The following GHDC variants were observed in gnomAD, a reference collection of about 807,000 sequenced individuals.
The protein encoded by GHDC is GH3 domain-containing protein.
In GHDC, 39 loss-of-function variants were observed where a neutral mutation model predicts 51.5. The observed-to-expected ratio is 0.76, with a 90% confidence interval of 0.59 to 0.99. The LOEUF is 0.99. Ranked by LOEUF, GHDC falls within the 50% of genes least tolerant of loss-of-function variation. The pLI, the probability that GHDC is intolerant of heterozygous loss-of-function variation, is 0.00. For missense variants in GHDC, 610 were observed against 672.8 expected (o/e 0.91, Z 1.03); for synonymous variants, 282 against 305.2 (o/e 0.92, Z 0.79).
At position 42,192,561 on chromosome 17, in the gene GHDC, A is replaced by G. The variant is rs2079977853; in HGVS notation, c.569T>C (p.Leu190Pro). 6.2e-7 allele frequency: 1 copy of G among 1,613,772 alleles called. No homozygotes were observed. The highest frequency in any genetic ancestry group is 1.1e-5 in the South Asian group (1 of 91,082). ...KDPRALLLDA[L>P]RSPGLRALEA... ...CAGTGCCCTCAGCCCTGGGGACCTC[A>G]GTGCGTCCAGCAGCAGGGCCCTAGG... is the stretch of plus-strand genomic sequence containing the variant. Residue 190 changes from leucine (L) to proline (P), a missense_variant, in exon 5 of 10, where the codon CTG (leucine) becomes CCG (proline). Physicochemically the swap from Leu to Pro is moderately conservative, Grantham distance 98. Around this residue, in one of 2 missense-constraint regions of GHDC, gnomAD observed 198 missense variants for 262.3 expected, o/e 0.75. Transcript: ENST00000587427.
intron 2 of GHDC, 68 bp from the exon 3 acceptor site, chr17:42,193,662 C>T (rs2079988165): frequency 1.4e-6 from 2 of 1,454,714 alleles, no homozygotes; most frequent in East Asian, 5.0e-5. Flanking sequence ...CCACGCTCTA[C>T]TGCATACAGG....
In GHDC at chr17:42,191,201, C is replaced by G; in HGVS notation, c.899G>C (p.Gly300Ala). The G allele has an allele frequency of 6.6e-7, 1 of 1,510,328 alleles. No homozygotes were observed. The highest frequency in any genetic ancestry group is 8.8e-7 in the Non-Finnish European group (1 of 1,132,530). The allele number at this position is 1,510,328 out of a possible 1,614,324, so 93.6% of individuals were successfully genotyped here. The change falls in exon 6 of 10, where the codon GGC becomes GCC. Residue 300 changes from glycine to alanine, a missense_variant. Transcript: ENST00000587427. ...PAYAASGGVL[G>A]LNLQPEQPHG... ...GGGCTGCTCTGGCTGTAGGTTTAGG[C>G]CCAGCACCCCTGTGAAAGCAAAGCA... is the stretch of plus-strand genomic sequence containing the variant.
chr17:42,189,979 G>C (rs1231353360), intron 9 of GHDC, 58 bp from the exon 10 acceptor site: 1 of 1,396,022 alleles, frequency 7.2e-7, no homozygotes, highest in Non-Finnish European at 9.7e-7. Flanking sequence ...CACACGAGGC[G>C]TGTGTGGCTG....
chr17:42,191,267 C>G, intron 5 of GHDC, 57 bp from the exon 6 acceptor site: 4 of 1,440,122 alleles, frequency 2.8e-6, no homozygotes, highest in African/African-American at 1.5e-5. Flanking sequence ...TTCTGCCAGG[C>G]AATAGCCCCT....
At chr17:42,189,995 A>C in intron 9 of GHDC, 74 bp from the exon 10 acceptor site, 1 of 1,370,796 alleles carries the variant, frequency 7.3e-7, no homozygotes. Context: ...GGCTGTGCCC[A>C]GGCTACATGT....
chr17:42,192,173 A>G (rs1366749253), intron 5 of GHDC, 68 bp downstream of exon 5: 8 of 1,499,776 alleles, frequency 5.3e-6, no homozygotes, highest in South Asian at 1.4e-5. Context: ...GTAGGGCCCA[A>G]TGCATGGCTG....
intron 5 of GHDC, 51 bp downstream of exon 5, chr17:42,192,190 A>G (rs1450131136): frequency 1.3e-6 from 2 of 1,507,084 alleles, no homozygotes; most frequent in South Asian, 1.4e-5. Flanking sequence ...GCTGCTTGTC[A>G]TGTGACCACT....
rs760780876 is a variant in GHDC, at chr17:42,190,174, G to A, written c.1374+11C>T. ...GGGTCTACAGTCAGACCCTGTCCTC[G>A]TCTCCTTTACCTTGTCTCGATTTTC... On this transcript the variant is annotated intron_variant, in intron 9 of 9. Coordinates refer to ENST00000587427, the MANE Select transcript of GHDC (RefSeq NM_032484.5). 3.4e-5 allele frequency: 55 copies of A among 1,611,386 alleles called. No individual in the cohort carries two copies. Among genetic ancestry groups the A allele is most frequent in the Non-Finnish European group, 4.3e-5 (51 of 1,178,546 alleles).
chr17:42,192,384 C>T lies in GHDC; in HGVS notation c.746G>A (p.Arg249Gln), dbSNP rs756886734. 5.0e-6 allele frequency: 8 copies of T among 1,612,774 alleles called. No homozygotes were observed. The highest frequency in any genetic ancestry group is 1.6e-4 in the Middle Eastern group (1 of 6,084). The change falls in exon 5 of 10, where the codon CGG becomes CAG. Residue 249 changes from arginine to glutamine, a missense_variant. By Grantham distance (43) the Arg-to-Gln change is conservative. Transcript: ENST00000587427. ...ELREALEQGPRGLALRLWPKL... is the reference protein window; with the variant it reads ...ELREALEQGPQGLALRLWPKL... ...TGGCCAGAGCCGAAGGGCCAGTCCC[C>T]GTGGCCCCTGCTCTAGGGCCTCCCG...
rs1206420620 is a variant in GHDC, at chr17:42,193,469, C to T, written c.113G>A (p.Arg38Gln). 1.5e-5 allele frequency: 24 copies of T among 1,556,334 alleles called. No homozygotes were observed. Among genetic ancestry groups the T allele is most frequent in the South Asian group, 5.9e-5 (5 of 84,436 alleles). The change falls in exon 3 of 10, where the codon CGA becomes CAA. Residue 38 changes from arginine to glutamine, a missense_variant. Coordinates refer to ENST00000587427, the MANE Select transcript of GHDC (RefSeq NM_032484.5). ...RLSWLAGLQHRVAWGALVWAA... is the reference protein window; with the variant it reads ...RLSWLAGLQHQVAWGALVWAA... Reference sequence around the variant, plus strand: ...CCAGACCAGGGCCCCCCATGCCACTCGGTGCTGGAGGCCAGCAAGCCAGGA... The same window carrying T: ...CCAGACCAGGGCCCCCCATGCCACTTGGTGCTGGAGGCCAGCAAGCCAGGA...
rs542452469 is a variant in GHDC at position 42,192,903 on chromosome 17, T to G, written c.387+3A>C. 50 of 1,613,784 alleles carry G rather than the reference T, an allele frequency of 3.1e-5. No homozygotes were observed. In the South Asian group the frequency reaches 4.1e-4, roughly 13 times the overall value. ...GGACTGGGCTCTGGCCATCCTAGAT[T>G]ACCTGCAGAGAGGCCTCCCCAAGGT... On this transcript the variant is annotated splice_donor_region_variant and intron_variant, in intron 4 of 9. Coordinates refer to ENST00000587427, the MANE Select transcript of GHDC (RefSeq NM_032484.5).
chr17:42,190,086 G>A (rs897173930), intron 9 of GHDC, 99 bp downstream of exon 9: 20 of 1,463,584 alleles, frequency 1.4e-5, no homozygotes, highest in Admixed American at 8.2e-5. Context: ...CTTCTCCTCC[G>A]CCACCCCTCT....
intron 5 of GHDC, 90 bp downstream of exon 5, chr17:42,192,151 T>G (rs894075426): frequency 9.2e-5 from 133 of 1,442,838 alleles, no homozygotes; most frequent in Non-Finnish European, 1.1e-4. Flanking sequence ...GAGGATTAAA[T>G]GAGATGATTA....
intron 5 of GHDC, among the ~76,000 whole-genome samples, chr17:42,192,000 G>A (rs971649344): frequency 1.3e-5 from 2 of 151,150 alleles, no homozygotes; most frequent in East Asian, 2.0e-4. Context: ...TGACCTCAAC[G>A]ATCCATCCAC....
chr17:42,193,411 C>CCGCACA lies in GHDC; in HGVS notation c.170_171insTGTGCG (p.Gln57delinsHisValArg). On this transcript the variant is annotated protein_altering_variant, in exon 3 of 10. Transcript: ENST00000587427. ...GGCTCTGGTGCACATGGAGCGTGCT[C>CCGCACA]TGCTCCAGCCTCCGCCGCTGCCAGG... 1 of 1,578,518 alleles carries CCGCACA rather than the reference C, an allele frequency of 6.3e-7. No homozygotes were observed. The highest frequency in any genetic ancestry group is 1.2e-5 in the South Asian group (1 of 86,304).
Position 42,192,745 on chromosome 17 carries a change from G to T in GHDC, c.388-3C>A. The stretch of plus-strand genomic sequence containing the variant: ...GCTGCCAGACCCAGCAAGGTGGCCT[G>T]GAGGAGGAAAGAGAGAATGTTGGTC... On this transcript the variant is annotated splice_polypyrimidine_tract_variant and splice_region_variant and intron_variant, in intron 4 of 9. Transcript: ENST00000587427. 2 of 1,533,612 alleles carry T rather than the reference G, an allele frequency of 1.3e-6. No homozygotes were observed. The highest frequency in any genetic ancestry group is 1.7e-6 in the Non-Finnish European group (2 of 1,144,802).
At chr17:42,190,389 T>G in intron 8 of GHDC, 119 bp from the exon 9 acceptor site, 1 of 1,566,046 alleles carries the variant, frequency 6.4e-7, no homozygotes, top group Non-Finnish European at 8.7e-7. Flanking sequence ...AAGAGTTTCT[T>G]GGTGGGGAGT....
chr17:42,192,603 G>A lies in GHDC; in HGVS notation c.527C>T (p.Thr176Ile), dbSNP rs1483556064. 2 of 1,613,558 alleles carry A rather than the reference G, an allele frequency of 1.2e-6. No individual in the cohort carries two copies. Among genetic ancestry groups the A allele is most frequent in the African/African-American group, 1.3e-5 (1 of 75,064 alleles). The change falls in exon 5 of 10, where the codon ACC becomes ATC. Residue 176 changes from threonine (T) to isoleucine (I), a missense_variant. Around this residue, in one of 2 missense-constraint regions of GHDC, gnomAD observed 198 missense variants for 262.3 expected, o/e 0.75. Transcript: ENST00000587427. Reference protein sequence around the residue: ...WPGNTLGQVGTPGTKDPRALL... With the variant: ...WPGNTLGQVGIPGTKDPRALL... ...GGCCCTAGGGTCCTTGGTTCCAGGG[G>A]TGCCCACCTGGCCCAGGGTATTCCC...
Position 42,189,594 on chromosome 17 carries a change from G to C in GHDC, c.*109C>G. The C allele has an allele frequency of 1.8e-6, 1 of 550,902 alleles. No homozygotes were observed. The highest frequency in any genetic ancestry group is 3.0e-6 in the Non-Finnish European group (1 of 331,034). The allele number at this position is 550,902 out of a possible 1,614,324, so 34.1% of individuals were successfully genotyped here. A position where few individuals can be genotyped will look rare whatever the true frequency, so the allele number is the denominator to read the frequency against. ...CAGCGGCTCTCATGGGCAAATGTCA[G>C]GTGACACAGAGTCAGAGACCCTGGC... On this transcript the variant is annotated 3_prime_UTR_variant, in exon 10 of 10. Coordinates refer to ENST00000587427, the MANE Select transcript of GHDC (RefSeq NM_032484.5).
Sources: allele counts gnomAD v4.1 joint callset (sites outside exome capture counted in the v4.1 genomes callset), GRCh38; gene constraint gnomAD v4.1.1; regional missense constraint gnomAD v4.1.1; transcripts MANE v1.5; gene names NCBI Gene and HGNC (gene_info 2026-07-23, HGNC 2026-07-21).